Variants in PAK5 observed in about 807,000 individuals in gnomAD.
The protein encoded by PAK5 is serine/threonine-protein kinase PAK 5.
In PAK5, 16 loss-of-function variants were observed where a neutral mutation model predicts 65.9. The observed-to-expected ratio is 0.24, with a 90% CI of 0.16 to 0.37. PAK5 has a LOEUF of 0.37. PAK5 is among the 10% of genes least tolerant of loss of function. The pLI is 1.00. For synonymous variants in PAK5, 371 were observed against 354.9 expected (o/e 1.05, Z -0.51); for missense variants, 785 against 903.9 (o/e 0.87, Z 1.69).
rs556416506 is a variant in PAK5, at chr20:9,610,034, GAAC to G, written c.205-29107_205-29105del. ...ATAAGACACAGCCTTTGTTTTCTAA[GAAC>G]AACACACAAAGGAATTAAAAACGAC... On this transcript the variant is annotated intron_variant, in intron 3 of 9. Transcript: ENST00000353224. Among the ~76,000 whole-genome samples, 168 of 149,296 alleles carry G rather than the reference GAAC, an allele frequency of 1.1e-3. 1 individual carries two copies. The highest frequency in any genetic ancestry group is 3.7e-3 in the African/African-American group (152 of 40,868).
intron 3 of PAK5, among the ~76,000 whole-genome samples, chr20:9,584,109 G>A (rs2046028197): frequency 6.6e-6 from 1 of 151,984 alleles, no homozygotes; most frequent in African/African-American, 2.4e-5. Flanking sequence ...ATATAACCTG[G>A]GACCTTTCCT....
intron 2 of PAK5, among the ~76,000 whole-genome samples, chr20:9,677,670 A>G (rs1283529234): frequency 6.6e-6 from 1 of 152,144 alleles, no homozygotes; most frequent in Non-Finnish European, 1.5e-5. Flanking sequence ...TGACCAGAAA[A>G]CTGTTAACTT....
chr20:9,613,943 CAACA>C (rs1158491887), intron 3 of PAK5, among the ~76,000 whole-genome samples: 1 of 152,018 alleles, frequency 6.6e-6, no homozygotes, highest in Non-Finnish European at 1.5e-5. Context: ...ATCTGGCTAT[CAACA>C]AACAATCACA....
chr20:9,800,301 G>T (rs1385836310), intron 1 of PAK5, among the ~76,000 whole-genome samples: 1 of 152,054 alleles, frequency 6.6e-6, no homozygotes, highest in Non-Finnish European at 1.5e-5. Context: ...ATCACAGCCT[G>T]TTTTTCCAAC....
chr20:9,738,077 G>A (rs2048410138), intron 1 of PAK5, among the ~76,000 whole-genome samples: 1 of 152,028 alleles, frequency 6.6e-6, no homozygotes, highest in East Asian at 1.9e-4. Flanking sequence ...GGAGGTGGAG[G>A]TTGCAGTGAG....
At chr20:9,755,749 T>C (rs1042396483) in intron 1 of PAK5, among the ~76,000 whole-genome samples, 1 of 152,196 alleles carries the variant, frequency 6.6e-6, no homozygotes, top group African/African-American at 2.4e-5. Context: ...AAGGCTCTAA[T>C]GAAAGGAACA....
intron 2 of PAK5, among the ~76,000 whole-genome samples, chr20:9,705,688 A>G (rs956698523): frequency 6.6e-6 from 1 of 152,130 alleles, no homozygotes; most frequent in Admixed American, 6.5e-5. Context: ...CCACTTCTAC[A>G]TATACTTCCT....
chr20:9,555,996 A>C (rs1248554045), intron 7 of PAK5, among the ~76,000 whole-genome samples: 1 of 152,216 alleles, frequency 6.6e-6, no homozygotes, highest in East Asian at 1.9e-4. Context: ...AGCTCAGCTG[A>C]TGTCACATGA....
intron 1 of PAK5, among the ~76,000 whole-genome samples, chr20:9,732,343 T>C (rs1352211283): frequency 6.6e-6 from 1 of 152,178 alleles, no homozygotes; most frequent in Non-Finnish European, 1.5e-5. Flanking sequence ...ATGAAACAAA[T>C]AGTTTGTACC....
chr20:9,570,220 G>A (rs1000978902), intron 4 of PAK5, among the ~76,000 whole-genome samples: 1 of 152,076 alleles, frequency 6.6e-6, no homozygotes, highest in African/African-American at 2.4e-5. Flanking sequence ...TATATAAAAT[G>A]CTTAGCACAG....
intron 3 of PAK5, among the ~76,000 whole-genome samples, chr20:9,624,004 A>G (rs771177827): frequency 4.6e-5 from 7 of 152,176 alleles, no homozygotes; most frequent in African/African-American, 1.7e-4. Context: ...ACTAAATTCA[A>G]TGGTACATAC....
intron 1 of PAK5, among the ~76,000 whole-genome samples, chr20:9,729,079 A>G (rs1235645181): frequency 6.6e-6 from 1 of 152,016 alleles, no homozygotes; most frequent in African/African-American, 2.4e-5. Flanking sequence ...ATAAAAATAC[A>G]AAAAAATTAG....
chr20:9,738,231 A>G (rs6133741), intron 1 of PAK5, among the ~76,000 whole-genome samples: 75,375 of 151,516 alleles, frequency 0.5, 18,822 homozygotes, highest in South Asian at 0.63. Context: ...GGAAAATTGT[A>G]TAACCCACTT....
At chr20:9,778,846 C>CGCA (rs1050095781) in intron 1 of PAK5, among the ~76,000 whole-genome samples, 16 of 152,126 alleles carry the variant, frequency 1.1e-4, no homozygotes, top group African/African-American at 3.6e-4. Flanking sequence ...CTCAGGAAAC[C>CGCA]GCAACGTAAG....
chr20:9,768,516 C>T (rs143744628), intron 1 of PAK5, among the ~76,000 whole-genome samples: 2,838 of 152,214 alleles, frequency 0.019, 29 homozygotes, highest in Middle Eastern at 0.037. Context: ...GGCGCGGTGG[C>T]TCACACCTGT....
chr20:9,563,619 G>A (rs1489652430), intron 5 of PAK5, among the ~76,000 whole-genome samples: 2 of 152,210 alleles, frequency 1.3e-5, no homozygotes, highest in Non-Finnish European at 2.9e-5. Context: ...TAAGGAGCCT[G>A]CTTGCTGGAG....
intron 2 of PAK5, among the ~76,000 whole-genome samples, chr20:9,689,103 C>T (rs2047758355): frequency 6.6e-6 from 1 of 152,130 alleles, no homozygotes; most frequent in South Asian, 2.1e-4. Context: ...CCCTTATTGC[C>T]TTTGTTTGTA....
chr20:9,634,364 G>A (rs886929617), intron 3 of PAK5, among the ~76,000 whole-genome samples: 1 of 152,194 alleles, frequency 6.6e-6, no homozygotes, highest in Non-Finnish European at 1.5e-5. Flanking sequence ...TAAATTCCCT[G>A]GGGTGATACT....
At chr20:9,584,972 C>T (rs1476203348) in intron 3 of PAK5, among the ~76,000 whole-genome samples, 2 of 143,954 alleles carry the variant, frequency 1.4e-5, no homozygotes, top group South Asian at 4.3e-4. Context: ...GTGTAAGGCA[C>T]ACCAAGGTCT....
Sources: allele counts gnomAD v4.1 joint callset (sites outside exome capture counted in the v4.1 genomes callset), GRCh38; gene constraint gnomAD v4.1.1; transcripts MANE v1.5; gene names NCBI Gene and HGNC (gene_info 2026-07-23, HGNC 2026-07-21).